The following GLI3 variants were observed in gnomAD, a reference collection of about 807,000 sequenced individuals.
The protein encoded by GLI3 is transcription activator GLI3.
A neutral mutation model predicts 100.8 loss-of-function variants in GLI3; 20 were observed. The ratio of observed to expected loss-of-function variants is 0.20; its 90% CI spans 0.14 to 0.29. The LOEUF (loss-of-function observed/expected upper bound fraction) is 0.29. GLI3 is among the 10% of genes least tolerant of loss of function. GLI3 has a pLI of 1.00. For synonymous variants in GLI3, 938 were observed against 860.5 expected (o/e 1.09, Z -1.58); for missense variants, 2,040 against 2,128.5 (o/e 0.96, Z 0.82).
chr7:42,226,297 T>A (rs1264189286), intron 1 of GLI3, among the ~76,000 whole-genome samples: 1 of 152,236 alleles, frequency 6.6e-6, no homozygotes, highest in Non-Finnish European at 1.5e-5. Flanking sequence ...AAGAACTAAG[T>A]ATCTTCCTTA....
chr7:42,062,880 C>A (rs1527498), intron 4 of GLI3, among the ~76,000 whole-genome samples: 97,182 of 151,954 alleles, frequency 0.64, 32,267 homozygotes, highest in African/African-American at 0.82. Flanking sequence ...AAGTGACTCT[C>A]CTCAATTTAC....
Position 41,961,205 on chromosome 7 carries a change from A to AT in GLI3, c.*3124dup, listed in dbSNP as rs1009946641. The AT allele has an allele frequency of 1.3e-5, 2 of 152,590 alleles. No homozygotes were observed. The highest frequency in any genetic ancestry group is 2.9e-5 in the Non-Finnish European group (2 of 68,002). The allele number at this position is 152,590 out of a possible 1,614,324, so 9.5% of individuals were successfully genotyped here. A position where few individuals can be genotyped will look rare whatever the true frequency, so the allele number is the denominator to read the frequency against. On this transcript the variant is annotated 3_prime_UTR_variant, in exon 15 of 15. Transcript: ENST00000395925. ...TTTTAAAAAAAGGATTACACATTTT[A>AT]TTTTTTAAAAAAATCTAAAAAAGGT...
At chr7:42,209,986 G>GAAAAAAAAAAAA (rs749477443) in intron 2 of GLI3, among the ~76,000 whole-genome samples, 3 of 33,268 alleles carry the variant, frequency 9.0e-5, no homozygotes, top group African/African-American at 1.5e-4. Flanking sequence ...TTAAGAATCT[G>GAAAAAAAAAAAA]AAAAAAAAAA....
chr7:42,100,483 C>G (rs575231227), intron 3 of GLI3, among the ~76,000 whole-genome samples: 3 of 152,108 alleles, frequency 2.0e-5, no homozygotes, highest in Non-Finnish European at 2.9e-5. Flanking sequence ...CACCAGTAAT[C>G]CCAGCACTTT....
intron 2 of GLI3, among the ~76,000 whole-genome samples, chr7:42,203,755 T>C (rs984366781): frequency 6.6e-6 from 1 of 152,088 alleles, no homozygotes; most frequent in Non-Finnish European, 1.5e-5. Flanking sequence ...TCCCAGCAGT[T>C]TGGGAGGCCG....
intron 3 of GLI3, among the ~76,000 whole-genome samples, chr7:42,102,253 A>T (rs563974881): frequency 1.3e-5 from 2 of 152,268 alleles, no homozygotes; most frequent in East Asian, 3.9e-4. Flanking sequence ...TCCCTGAGGA[A>T]TCATTTTTTT....
At chr7:41,994,459 G>A (rs1788071684) in intron 10 of GLI3, among the ~76,000 whole-genome samples, 1 of 152,162 alleles carries the variant, frequency 6.6e-6, no homozygotes. Context: ...CAATAAAGAA[G>A]GCACTTTACC....
chr7:41,978,081 GATC>G (rs1214000649), intron 11 of GLI3, among the ~76,000 whole-genome samples: 2 of 152,130 alleles, frequency 1.3e-5, no homozygotes, highest in Non-Finnish European at 2.9e-5. Context: ...CATGGAATTT[GATC>G]ATGTTTGTAA....
At chr7:42,259,746 A>G (rs1017773250) in intron 1 of GLI3, among the ~76,000 whole-genome samples, 1 of 152,210 alleles carries the variant, frequency 6.6e-6, no homozygotes, top group Admixed American at 6.5e-5. Context: ...ATCTCTGACA[A>G]TTAGCATTAC....
chr7:42,254,930 C>T (rs1479567573), intron 1 of GLI3, among the ~76,000 whole-genome samples: 1 of 151,918 alleles, frequency 6.6e-6, no homozygotes, highest in African/African-American at 2.4e-5. Context: ...AAATAAAATT[C>T]AAAATTTTTC....
chr7:42,014,581 CCAG>C (rs1294200939), intron 10 of GLI3, among the ~76,000 whole-genome samples: 2 of 152,188 alleles, frequency 1.3e-5, no homozygotes, highest in Admixed American at 6.5e-5. Flanking sequence ...TTTACATCCA[CCAG>C]TTTATTCCAT....
At chr7:42,107,762 G>A (rs1785609980) in intron 3 of GLI3, among the ~76,000 whole-genome samples, 1 of 152,204 alleles carries the variant, frequency 6.6e-6, no homozygotes. Flanking sequence ...CTTCACAAAT[G>A]CACAGCAATC....
chr7:42,029,171 T>C (rs1666653447), intron 7 of GLI3, among the ~76,000 whole-genome samples: 1 of 152,224 alleles, frequency 6.6e-6, no homozygotes, highest in South Asian at 2.1e-4. Flanking sequence ...GGACAGCTTG[T>C]CTGGACCCAG....
At chr7:42,098,043 TCA>T (rs1785379843) in intron 3 of GLI3, among the ~76,000 whole-genome samples, 1 of 152,094 alleles carries the variant, frequency 6.6e-6, no homozygotes, top group Non-Finnish European at 1.5e-5. Flanking sequence ...GCCCAATGAC[TCA>T]CAGTTGAAAA....
chr7:42,037,932 C>G (rs1179842509), intron 7 of GLI3, among the ~76,000 whole-genome samples: 3 of 152,138 alleles, frequency 2.0e-5, no homozygotes, highest in African/African-American at 7.2e-5. Flanking sequence ...ATGACCATTT[C>G]TATACCATAT....
At chr7:42,009,866 T>C (rs1270092318) in intron 10 of GLI3, among the ~76,000 whole-genome samples, 2 of 152,222 alleles carry the variant, frequency 1.3e-5, no homozygotes, top group Non-Finnish European at 2.9e-5. Flanking sequence ...TCCCCGTTCC[T>C]GGATCCCACA....
At chr7:42,240,062 T>C (rs1788909013), upstream of GLI3, among the ~76,000 whole-genome samples, 1 of 152,188 alleles carries the variant, frequency 6.6e-6, no homozygotes, top group Admixed American at 6.5e-5. Context: ...CAGTTGCTCC[T>C]GAGACATCTG....
At chr7:42,258,734 C>T (rs1789111282) in intron 1 of GLI3, among the ~76,000 whole-genome samples, 1 of 152,106 alleles carries the variant, frequency 6.6e-6, no homozygotes. Flanking sequence ...TGAGGGAGGA[C>T]CCTTGGGCTT....
At chr7:42,095,899 G>GA (rs553384808) in intron 3 of GLI3, among the ~76,000 whole-genome samples, 228 of 152,310 alleles carry the variant, frequency 1.5e-3, no homozygotes, top group African/African-American at 5.4e-3. Context: ...GAAGGTACAG[G>GA]AAGAGGAAAC....
Sources: gnomAD v4.1 joint callset for allele counts (sites outside exome capture counted in the v4.1 genomes callset) on GRCh38, gnomAD v4.1.1 for gene constraint, MANE v1.5 for transcripts, NCBI Gene and HGNC (gene_info 2026-07-23, HGNC 2026-07-21) for gene names.